Variants in PTPN13 observed in about 807,000 individuals in gnomAD.
PTPN13 encodes the protein protein tyrosine phosphatase non-receptor type 13, also known as tyrosine-protein phosphatase non-receptor type 13.
In PTPN13, 191 loss-of-function variants were observed where a neutral mutation model predicts 284.0. The ratio of observed to expected loss-of-function variants is 0.67; its 90% CI spans 0.60 to 0.76. PTPN13 has a LOEUF of 0.76. Among genes scored for constraint, PTPN13 ranks in the 30% least tolerant of loss-of-function variants. PTPN13 has a pLI of 0.00. For synonymous variants in PTPN13, 986 were observed against 1,022.3 expected, an observed-to-expected ratio of 0.96 and a Z score of 0.68; for missense variants, 2,797 against 2,939.9, an observed-to-expected ratio of 0.95 and a Z score of 1.12.
intron 10 of PTPN13, among the ~76,000 whole-genome samples, chr4:86,730,827 C>A (rs1417136886): frequency 1.3e-5 from 2 of 152,106 alleles, no homozygotes; most frequent in South Asian, 2.1e-4. Context: ...TCCAACCAGT[C>A]CCTGTGAGAT....
chr4:86,803,940 TA>T, intron 43 of PTPN13, 83 bp downstream of exon 43: 2 of 1,466,584 alleles, frequency 1.4e-6, no homozygotes, highest in Non-Finnish European at 1.8e-6. Context: ...GGCCCAAGAT[TA>T]GAAGAATTTT....
intron 3 of PTPN13, among the ~76,000 whole-genome samples, chr4:86,684,893 A>G (rs757179354): frequency 8.4e-4 from 128 of 152,354 alleles, no homozygotes; most frequent in Non-Finnish European, 1.5e-3. Context: ...ATGATTACTT[A>G]TAACTGAGAT....
chr4:86,708,396 G>A (rs1468094278), intron 7 of PTPN13, among the ~76,000 whole-genome samples: 2 of 151,944 alleles, frequency 1.3e-5, no homozygotes, highest in Non-Finnish European at 1.5e-5. Context: ...TTATCCAAGT[G>A]GAAAAATAAA....
chr4:86,672,517 C>G lies in PTPN13; in HGVS notation c.268C>G (p.Leu90Val), dbSNP rs78046638. The G allele has an allele frequency of 1.1e-3, 1,783 of 1,606,290 alleles. 22 individuals are homozygous for G. The African/African-American group carries it at 0.021, about 19-fold the overall frequency. ...ACCAGAGGTTCTTCAAAATCAGTCACTAACTTCTCTCTCAGATGTTGAAAA... is the reference window on the plus strand; with the variant it reads ...ACCAGAGGTTCTTCAAAATCAGTCAGTAACTTCTCTCTCAGATGTTGAAAA... ...TAPEVLQNQSLTSLSDVEKIH... is the reference protein window; with the variant it reads ...TAPEVLQNQSVTSLSDVEKIH... Residue 90 changes from leucine to valine, a missense_variant, in exon 3 of 48, where the codon CTA becomes GTA. Leu to Val is a conservative substitution (Grantham distance 32). Transcript: ENST00000411767.
chr4:86,710,707 G>C (rs1046113536), intron 7 of PTPN13, among the ~76,000 whole-genome samples: 6 of 152,070 alleles, frequency 3.9e-5, no homozygotes, highest in African/African-American at 1.4e-4. Context: ...CATTGTTGCT[G>C]TATAAATGGC....
At chr4:86,685,298 GAAAAACA>G (rs554510852) in intron 3 of PTPN13, among the ~76,000 whole-genome samples, 2 of 152,094 alleles carry the variant, frequency 1.3e-5, no homozygotes, top group East Asian at 1.9e-4. Flanking sequence ...CTGCAGTGAG[GAAAAACA>G]AAAAACAAAA....
intron 2 of PTPN13, among the ~76,000 whole-genome samples, chr4:86,668,080 G>T (rs779601493): frequency 2.1e-4 from 32 of 152,096 alleles, no homozygotes; most frequent in Non-Finnish European, 4.4e-4. Flanking sequence ...GCCTCTAGCT[G>T]CTTGAAATTA....
intron 2 of PTPN13, among the ~76,000 whole-genome samples, chr4:86,653,633 A>G (rs150506390): frequency 0.022 from 3,313 of 152,244 alleles, 117 homozygotes; most frequent in African/African-American, 0.076. Context: ...TGTTTTCAGA[A>G]GTCCATAATA....
At chr4:86,671,460 G>T (rs541272254) in intron 2 of PTPN13, among the ~76,000 whole-genome samples, 1 of 152,138 alleles carries the variant, frequency 6.6e-6, no homozygotes, top group African/African-American at 2.4e-5. Context: ...CTTAAAACCT[G>T]TATTAACTTA....
intron 1 of PTPN13, among the ~76,000 whole-genome samples, chr4:86,600,055 T>C (rs1203645145): frequency 2.6e-5 from 4 of 152,184 alleles, no homozygotes; most frequent in Non-Finnish European, 4.4e-5. Flanking sequence ...AGTTATCAAA[T>C]GATGTGATTG....
At chr4:86,764,770 C>A in intron 25 of PTPN13, 46 bp downstream of exon 25, 2 of 1,566,286 alleles carry the variant, frequency 1.3e-6, no homozygotes, top group Non-Finnish European at 1.7e-6. Context: ...CTTTAATTTC[C>A]AGCAGCCTAT....
chr4:86,784,404 C>T, intron 37 of PTPN13, 61 bp from the exon 38 acceptor site: 13 of 1,095,852 alleles, frequency 1.2e-5, no homozygotes, highest in Middle Eastern at 2.0e-4. Context: ...AATGTGCAGT[C>T]CCCCGATCCT....
Position 86,737,560 on chromosome 4 carries a change from C to T in PTPN13, c.2304+1814C>T, listed in dbSNP as rs1169361947. Among the ~76,000 whole-genome samples the T allele has an allele frequency of 2.6e-5, 4 of 151,952 alleles. No homozygotes were observed. The South Asian group carries it at 8.3e-4, about 32-fold the overall frequency. On this transcript the variant is annotated intron_variant, in intron 15 of 47. Coordinates refer to ENST00000411767, the MANE Select transcript of PTPN13 (RefSeq NM_080683.3). ...TACCAACTCCTGATACAGCACATTT[C>T]GAATACATAAAGCTCCCTCTTGTCT...
chr4:86,667,006 C>A lies in PTPN13; in HGVS notation c.116-5359C>A, dbSNP rs115473261. 5.3e-4 allele frequency among the ~76,000 whole-genome samples: 80 copies of A among 152,284 alleles called. 1 individual carries two copies. The highest frequency in any genetic ancestry group is 1.8e-3 in the African/African-American group (75 of 41,582). On this transcript the variant is annotated intron_variant, in intron 2 of 47. Transcript: ENST00000411767. ...TCCGTCTGCAGCTCAATTGTACGGGCTACTCTCTGTTAGAAAAGAAAATGA... is the reference window on the plus strand; with the variant it reads ...TCCGTCTGCAGCTCAATTGTACGGGATACTCTCTGTTAGAAAAGAAAATGA...
At chr4:86,653,652 T>A (rs540385017) in intron 2 of PTPN13, among the ~76,000 whole-genome samples, 1 of 152,128 alleles carries the variant, frequency 6.6e-6, no homozygotes, top group African/African-American at 2.4e-5. Context: ...TATAAAATAC[T>A]CCAAACATAA....
chr4:86,720,674 C>G (rs1733553730), intron 9 of PTPN13, among the ~76,000 whole-genome samples: 1 of 152,060 alleles, frequency 6.6e-6, no homozygotes, highest in Non-Finnish European at 1.5e-5. Context: ...AATCAGGAGT[C>G]TTGTTTTCTT....
At chr4:86,707,474 C>T (rs985382500) in intron 7 of PTPN13, among the ~76,000 whole-genome samples, 1 of 152,112 alleles carries the variant, frequency 6.6e-6, no homozygotes, top group African/African-American at 2.4e-5. Flanking sequence ...AACCCATTCT[C>T]ATTTGAGGAA....
chr4:86,713,491 T>G lies in PTPN13; in HGVS notation c.1196-3039T>G, dbSNP rs184446241. ...GAGCCAGAGGATTATTTTAAATTGT[T>G]TATTTTATCATAAGACTTTCCTGTG... is the stretch of plus-strand genomic sequence containing the variant. On this transcript the variant is annotated intron_variant, in intron 7 of 47. Coordinates refer to ENST00000411767, the MANE Select transcript of PTPN13 (RefSeq NM_080683.3). 1.7e-3 allele frequency among the ~76,000 whole-genome samples: 258 copies of G among 152,262 alleles called. 3 individuals carry two copies. The highest frequency in any genetic ancestry group is 2.1e-3 in the East Asian group (11 of 5,186).
chr4:86,611,133 C>G (rs1421987550), intron 1 of PTPN13, among the ~76,000 whole-genome samples: 1 of 152,104 alleles, frequency 6.6e-6, no homozygotes, highest in Non-Finnish European at 1.5e-5. Flanking sequence ...CTGCTTCTCC[C>G]ACGATTATTA....
Sources: allele counts gnomAD v4.1 joint callset (sites outside exome capture counted in the v4.1 genomes callset), GRCh38; gene constraint gnomAD v4.1.1; transcripts MANE v1.5; gene names NCBI Gene and HGNC (gene_info 2026-07-23, HGNC 2026-07-21).